ADK: variants seen among roughly 807,000 people sequenced by gnomAD.
ADK encodes N6,N6-dimethyladenosine kinase.
In ADK, 24 loss-of-function variants were observed where a neutral mutation model predicts 44.7. That is an observed-to-expected ratio of 0.54 (90% confidence interval 0.39 to 0.76). ADK has a LOEUF of 0.76. Ranked by LOEUF, ADK falls within the 30% of genes least tolerant of loss-of-function variation. The pLI is 0.00. For missense variants in ADK, 321 were observed against 425.1 expected, an observed-to-expected ratio of 0.76 and a Z score of 2.15; for synonymous variants, 128 against 142.6, an observed-to-expected ratio of 0.90 and a Z score of 0.73.
chr10:74,353,835 TC>T lies in ADK; in HGVS notation c.273+39092del, dbSNP rs1842047628. On this transcript the variant is annotated intron_variant, in intron 4 of 10. Coordinates refer to ENST00000539909, the MANE Select transcript of ADK (RefSeq NM_006721.4). Reference sequence around the variant, plus strand: ...GTGAGCTGAGATTGCGCCACTGCACTCCAGCTCTGGCGACAGAGCGAGACTC... The same window carrying T: ...GTGAGCTGAGATTGCGCCACTGCACTCAGCTCTGGCGACAGAGCGAGACTC... 2.0e-5 allele frequency among the ~76,000 whole-genome samples: 3 copies of T among 152,266 alleles called. No homozygotes were observed. The South Asian group carries it at 6.2e-4, about 32-fold the overall frequency.
chr10:74,398,705 A>G (rs1843609298), intron 6 of ADK, 126 bp downstream of exon 6: 1 of 536,976 alleles, frequency 1.9e-6, no homozygotes, highest in Non-Finnish European at 3.3e-6. Context: ...CTCTCAAAGC[A>G]TATGTTAGAT....
chr10:74,310,380 C>T (rs1472397120), intron 3 of ADK, among the ~76,000 whole-genome samples: 1 of 152,158 alleles, frequency 6.6e-6, no homozygotes, highest in East Asian at 1.9e-4. Context: ...TAGTTGGCTA[C>T]TTAGGAGTTC....
intron 10 of ADK, among the ~76,000 whole-genome samples, chr10:74,685,302 G>A (rs1037817742): frequency 3.9e-5 from 6 of 152,062 alleles, no homozygotes; most frequent in African/African-American, 1.5e-4. Flanking sequence ...ATGTCTTCTT[G>A]CACTACTGCC....
chr10:74,592,973 G>A (rs1242378124), intron 8 of ADK, among the ~76,000 whole-genome samples: 1 of 152,164 alleles, frequency 6.6e-6, no homozygotes, highest in Admixed American at 6.5e-5. Flanking sequence ...GATAATGCAG[G>A]ATAGAACATA....
chr10:74,503,067 T>A (rs1847935452), intron 6 of ADK, among the ~76,000 whole-genome samples: 1 of 152,230 alleles, frequency 6.6e-6, no homozygotes, highest in Admixed American at 6.5e-5. Context: ...AGTATGTATT[T>A]TCTTCTTTCC....
At position 74,674,455 on chromosome 10, in the gene ADK, G is replaced by A. The variant is rs190613725; in HGVS notation, c.964+4186G>A. 3.2e-4 allele frequency among the ~76,000 whole-genome samples: 48 copies of A among 152,242 alleles called. 1 individual carries two copies. The highest frequency in any genetic ancestry group is 1.0e-3 in the South Asian group (5 of 4,826). ...TTGAGACCAGCCTGACCAACATGGC[G>A]AAACTCTGTCTCTACTAAAAATACA... On this transcript the variant is annotated intron_variant, in intron 10 of 10. Transcript: ENST00000539909.
chr10:74,432,250 C>G (rs1202546791), intron 6 of ADK, among the ~76,000 whole-genome samples: 1 of 152,190 alleles, frequency 6.6e-6, no homozygotes, highest in Non-Finnish European at 1.5e-5. Context: ...TGCACCAACA[C>G]TACCCTAACC....
At chr10:74,475,823 AGAGGGAGG>A (rs1210703071) in intron 6 of ADK, among the ~76,000 whole-genome samples, 2 of 137,984 alleles carry the variant, frequency 1.4e-5, no homozygotes, top group African/African-American at 5.3e-5. Flanking sequence ...AAAAGGAGGG[AGAGGGAGG>A]GAGGGAGGGA....
intron 4 of ADK, among the ~76,000 whole-genome samples, chr10:74,381,146 A>G (rs1842966499): frequency 6.6e-6 from 1 of 152,210 alleles, no homozygotes; most frequent in South Asian, 2.1e-4. Context: ...CTGTTAATAT[A>G]TGTTAAAATT....
intron 10 of ADK, among the ~76,000 whole-genome samples, chr10:74,699,503 C>T (rs1289838741): frequency 6.6e-6 from 1 of 151,998 alleles, no homozygotes; most frequent in Non-Finnish European, 1.5e-5. Flanking sequence ...CATGGTGAAA[C>T]CCGTCTCTAC....
chr10:74,188,780 A>G (rs1231042757), intron 1 of ADK, among the ~76,000 whole-genome samples: 2 of 149,736 alleles, frequency 1.3e-5, no homozygotes, highest in Admixed American at 1.3e-4. Flanking sequence ...ATTCATTCAT[A>G]CATTCATTCA....
intron 9 of ADK, among the ~76,000 whole-genome samples, chr10:74,632,519 T>A (rs1853478144): frequency 6.6e-6 from 1 of 152,220 alleles, no homozygotes; most frequent in Non-Finnish European, 1.5e-5. Flanking sequence ...TGGAAATCAA[T>A]TCTTGGCATT....
Position 74,314,669 on chromosome 10 carries a change from T to A in ADK, c.197T>A (p.Phe66Tyr). Residue 66 changes from phenylalanine to tyrosine, a missense_variant and splice_region_variant, in exon 4 of 11, where the codon TTT becomes TAT. By Grantham distance (22) the Phe-to-Tyr change is conservative. Transcript: ENST00000539909. ...TTTCTACTGTGATTTCCTTATAGGT[T>A]TGATGAACTTGTGAAAAAATTCAAA... ...ILAEDKHKEL[F>Y]DELVKKFKVE... 6.2e-7 allele frequency: 1 copy of A among 1,611,204 alleles called. No homozygotes were observed. Among genetic ancestry groups the A allele is most frequent in the South Asian group, 1.1e-5 (1 of 90,940 alleles).
At chr10:74,294,296 T>C (rs942171256) in intron 3 of ADK, among the ~76,000 whole-genome samples, 2 of 151,942 alleles carry the variant, frequency 1.3e-5, no homozygotes, top group African/African-American at 2.4e-5. Flanking sequence ...TTCTTTTTTT[T>C]TTTTTTTGAG....
chr10:74,366,984 A>G (rs1011195061), intron 4 of ADK, among the ~76,000 whole-genome samples: 3 of 152,204 alleles, frequency 2.0e-5, no homozygotes, highest in African/African-American at 7.2e-5. Flanking sequence ...CACACATTGT[A>G]TGTGTTCATT....
chr10:74,648,213 A>G (rs1383836144), intron 9 of ADK, among the ~76,000 whole-genome samples: 2 of 152,208 alleles, frequency 1.3e-5, no homozygotes, highest in African/African-American at 4.8e-5. Flanking sequence ...TTTATTGCCA[A>G]TAGACCTGTC....
intron 1 of ADK, among the ~76,000 whole-genome samples, chr10:74,157,761 C>A (rs546325241): frequency 6.6e-6 from 1 of 151,422 alleles, no homozygotes; most frequent in Non-Finnish European, 1.5e-5. Flanking sequence ...ATGTGGTGGT[C>A]CATGCCTATA....
At chr10:74,186,990 T>A (rs560889550) in intron 1 of ADK, among the ~76,000 whole-genome samples, 1 of 152,292 alleles carries the variant, frequency 6.6e-6, no homozygotes, top group African/African-American at 2.4e-5. Context: ...TAGGGTAGAT[T>A]TATGTTTAAC....
At chr10:74,344,009 AC>A (rs757300713) in intron 4 of ADK, among the ~76,000 whole-genome samples, 10 of 152,144 alleles carry the variant, frequency 6.6e-5, no homozygotes, top group Non-Finnish European at 1.2e-4. Context: ...TCTTAAACCA[AC>A]CTTGCATTCC....
Sources: allele counts gnomAD v4.1 joint callset (sites outside exome capture counted in the v4.1 genomes callset), GRCh38; gene constraint gnomAD v4.1.1; transcripts MANE v1.5; gene names NCBI Gene and HGNC (gene_info 2026-07-23, HGNC 2026-07-21).